The following NAV3 variants were observed in gnomAD, a reference collection of about 807,000 sequenced individuals.
The protein encoded by NAV3 is neuron navigator 3.
Under a neutral mutation model 244.7 loss-of-function variants are expected in NAV3, and 87 were observed. That is an observed-to-expected ratio of 0.36 (90% CI 0.30 to 0.42). NAV3 has a LOEUF of 0.42. NAV3 is among the 20% of genes least tolerant of loss of function. NAV3 has a pLI of 1.00. For missense variants in NAV3, 2,663 were observed against 2,893.3 expected, an observed-to-expected ratio of 0.92 and a Z score of 1.83; for synonymous variants, 1,126 against 1,042.2, an observed-to-expected ratio of 1.08 and a Z score of -1.55.
At chr12:78,181,520 G>C (rs1178201502) in intron 30 of NAV3, among the ~76,000 whole-genome samples, 1 of 151,984 alleles carries the variant, frequency 6.6e-6, no homozygotes, top group African/African-American at 2.4e-5. Context: ...TTCCAACAAA[G>C]ATAAAGAACA....
chr12:77,910,334 G>C (rs751901223), intron 1 of NAV3, among the ~76,000 whole-genome samples: 7 of 151,858 alleles, frequency 4.6e-5, no homozygotes, highest in Non-Finnish European at 8.8e-5. Flanking sequence ...GGAGGTGTCA[G>C]ACTGTTTAAA....
intron 9 of NAV3, among the ~76,000 whole-genome samples, chr12:78,036,057 G>A (rs960671862): frequency 7.9e-5 from 12 of 152,120 alleles, no homozygotes; most frequent in African/African-American, 2.9e-4. Context: ...GTGTGTGTCC[G>A]TGTTTGAGAT....
intron 2 of NAV3, among the ~76,000 whole-genome samples, chr12:77,624,028 A>C (rs1354751549): frequency 6.6e-6 from 1 of 152,190 alleles, no homozygotes; most frequent in African/African-American, 2.4e-5. Flanking sequence ...AATAATGTCA[A>C]GGGAACCTAC....
chr12:77,748,748 G>A (rs752397985), intron 2 of NAV3, among the ~76,000 whole-genome samples: 17 of 152,244 alleles, frequency 1.1e-4, no homozygotes, highest in Non-Finnish European at 2.1e-4. Flanking sequence ...ATGGGGAGAT[G>A]TTGGTCAAAG....
chr12:77,581,598 T>A (rs1869367025), intron 2 of NAV3, among the ~76,000 whole-genome samples: 1 of 152,176 alleles, frequency 6.6e-6, no homozygotes, highest in Admixed American at 6.5e-5. Flanking sequence ...TTCAGACATT[T>A]CTACATATTA....
intron 12 of NAV3, among the ~76,000 whole-genome samples, chr12:78,100,947 T>C (rs1172600731): frequency 1.3e-5 from 2 of 152,186 alleles, no homozygotes; most frequent in African/African-American, 4.8e-5. Context: ...TCTAAAGTTA[T>C]CTCCTCAAAG....
chr12:77,923,619 G>A (rs539993545), intron 1 of NAV3, among the ~76,000 whole-genome samples: 1 of 152,108 alleles, frequency 6.6e-6, no homozygotes, highest in East Asian at 1.9e-4. Flanking sequence ...TTTGTAAATT[G>A]TAAAGCAAAA....
At chr12:77,829,369 A>G (rs187553876), upstream of NAV3, among the ~76,000 whole-genome samples, 11 of 152,324 alleles carry the variant, frequency 7.2e-5, no homozygotes, top group African/African-American at 2.2e-4. Flanking sequence ...TATTTTTGCT[A>G]GCAATATACT....
intron 6 of NAV3, 110 bp from the exon 7 acceptor site, chr12:77,998,227 A>T (rs1372677140): frequency 2.7e-6 from 2 of 734,824 alleles, no homozygotes; most frequent in African/African-American, 3.6e-5. Flanking sequence ...ATTTTCTGCT[A>T]AATAGATTTT....
intron 39 of NAV3, among the ~76,000 whole-genome samples, chr12:78,210,019 C>A (rs1960739515): frequency 6.6e-6 from 1 of 152,142 alleles, no homozygotes. Context: ...ACATTCACGA[C>A]TTTCAGTTGC....
At chr12:77,800,504 T>G (rs539583707) in intron 2 of NAV3, among the ~76,000 whole-genome samples, 1 of 152,298 alleles carries the variant, frequency 6.6e-6, no homozygotes, top group South Asian at 2.1e-4. Context: ...TAAATATTTG[T>G]AACTTCATTA....
intron 2 of NAV3, among the ~76,000 whole-genome samples, chr12:77,684,933 C>T (rs971967068): frequency 6.6e-6 from 1 of 152,026 alleles, no homozygotes; most frequent in South Asian, 2.1e-4. Flanking sequence ...TATTGAATTC[C>T]CTGTTGCTGA....
At chr12:77,672,761 A>G (rs1874041425) in intron 2 of NAV3, among the ~76,000 whole-genome samples, 1 of 152,102 alleles carries the variant, frequency 6.6e-6, no homozygotes, top group African/African-American at 2.4e-5. Flanking sequence ...GTGCACCAAA[A>G]TCTCAGAAAT....
rs528188650 is a variant in NAV3, at chr12:77,810,203, G to A, written c.73-130116G>A. ...TTGTTTGTTTTTGAGACGGAGTCTC[G>A]CTCTGTCCCCCAGGCTGGAGTGCAG... On this transcript the variant is annotated intron_variant, in intron 2 of 8. Transcript: ENST00000550042. 1.1e-3 allele frequency among the ~76,000 whole-genome samples: 171 copies of A among 152,200 alleles called. 1 individual carries two copies. Among genetic ancestry groups the A allele is most frequent in the African/African-American group, 4.0e-3 (165 of 41,528 alleles).
At chr12:77,753,765 G>C (rs1240836333) in intron 2 of NAV3, among the ~76,000 whole-genome samples, 1 of 152,124 alleles carries the variant, frequency 6.6e-6, no homozygotes, top group Non-Finnish European at 1.5e-5. Flanking sequence ...TACTATTTAT[G>C]TCTCTGTAAG....
chr12:77,958,567 C>G (rs1450318434), intron 3 of NAV3, among the ~76,000 whole-genome samples: 1 of 152,058 alleles, frequency 6.6e-6, no homozygotes, highest in Non-Finnish European at 1.5e-5. Flanking sequence ...AACTGTTTTT[C>G]TTTAGGGCAT....
chr12:77,834,072 T>C (rs1213722987), intron 1 of NAV3, among the ~76,000 whole-genome samples: 1 of 152,108 alleles, frequency 6.6e-6, no homozygotes, highest in Non-Finnish European at 1.5e-5. Context: ...CCTGCTAAGG[T>C]CTCGGGGTTT....
At chr12:77,741,429 C>A (rs1868334975) in intron 2 of NAV3, among the ~76,000 whole-genome samples, 1 of 151,994 alleles carries the variant, frequency 6.6e-6, no homozygotes, top group South Asian at 2.1e-4. Context: ...CACACACATT[C>A]ATTTTTGTGT....
At chr12:77,742,757 T>C (rs754089209) in intron 2 of NAV3, among the ~76,000 whole-genome samples, 5 of 152,050 alleles carry the variant, frequency 3.3e-5, no homozygotes, top group Non-Finnish European at 7.4e-5. Flanking sequence ...ACTGTACTTG[T>C]ATAATAATTT....
Sources: allele counts gnomAD v4.1 joint callset (sites outside exome capture counted in the v4.1 genomes callset), GRCh38; gene constraint gnomAD v4.1.1; transcripts MANE v1.5; gene names NCBI Gene and HGNC (gene_info 2026-07-23, HGNC 2026-07-21).